DLGAP1: variants seen among roughly 807,000 people sequenced by gnomAD.
DLGAP1 encodes DLG associated protein 1.
DLGAP1 carries 11 observed loss-of-function variants against 90.8 expected under a neutral mutation model. That is an observed-to-expected ratio of 0.12 (90% confidence interval 0.08 to 0.20). The LOEUF (loss-of-function observed/expected upper bound fraction) is 0.20, where lower values mean the gene tolerates loss of function less well. Ranked by LOEUF, DLGAP1 falls within the 10% of genes least tolerant of loss-of-function variation. The pLI is 1.00. For missense variants in DLGAP1, 1,050 were observed against 1,333.8 expected (o/e 0.79, Z 3.31); for synonymous variants, 558 against 540.7 (o/e 1.03, Z -0.44).
chr18:4,041,179 T>A (rs2074968648), intron 2 of DLGAP1, among the ~76,000 whole-genome samples: 1 of 152,330 alleles, frequency 6.6e-6, no homozygotes, highest in South Asian at 2.1e-4. Context: ...TATCTAGAAA[T>A]CTGGTTTTGC....
intron 2 of DLGAP1, among the ~76,000 whole-genome samples, chr18:4,006,753 C>T (rs915365345): frequency 2.6e-5 from 4 of 151,760 alleles, no homozygotes; most frequent in African/African-American, 7.3e-5. Flanking sequence ...TCAAGTGATC[C>T]TTCTACCTCA....
intron 1 of DLGAP1, among the ~76,000 whole-genome samples, chr18:4,197,188 T>TAAAAAAAAAAAAAAAAAAAAAA (rs532844849): frequency 8.1e-5 from 6 of 73,690 alleles, no homozygotes; most frequent in Non-Finnish European, 1.0e-4. Context: ...TAAAAAAAAG[T>TAAAAAAAAAAAAAAAAAAAAAA]AAAAAAAAAA....
chr18:3,992,240 G>A (rs777425180), intron 3 of DLGAP1, among the ~76,000 whole-genome samples: 2 of 152,158 alleles, frequency 1.3e-5, no homozygotes, highest in East Asian at 1.9e-4. Flanking sequence ...TCCTTGGCCA[G>A]GCCACTACTT....
intron 7 of DLGAP1, among the ~76,000 whole-genome samples, chr18:3,586,044 T>C (rs969690631): frequency 3.9e-5 from 6 of 152,220 alleles, no homozygotes; most frequent in African/African-American, 1.2e-4. Context: ...TCGCTATCGA[T>C]AGGGATAACT....
chr18:3,938,558 G>A (rs1344039884), intron 3 of DLGAP1, among the ~76,000 whole-genome samples: 7 of 152,326 alleles, frequency 4.6e-5, no homozygotes. Context: ...CTACTTCTAT[G>A]AGGGAGACTT....
intron 7 of DLGAP1, among the ~76,000 whole-genome samples, chr18:3,718,925 T>C (rs1462215524): frequency 8.1e-5 from 2 of 24,684 alleles, no homozygotes; most frequent in African/African-American, 1.4e-4. Context: ...AGACTTTGTC[T>C]GAAAAAAAAA....
chr18:3,628,188 C>CTT (rs71160904), intron 7 of DLGAP1, among the ~76,000 whole-genome samples: 106 of 123,668 alleles, frequency 8.6e-4, no homozygotes, highest in African/African-American at 2.6e-3. Context: ...GTGCTATATT[C>CTT]TTTTTTTTTT....
chr18:3,944,266 G>A (rs1378904368), intron 3 of DLGAP1, among the ~76,000 whole-genome samples: 1 of 152,218 alleles, frequency 6.6e-6, no homozygotes. Flanking sequence ...GGGAAGCTGA[G>A]GCGAGTGGAT....
At chr18:4,167,055 T>C (rs1483950102) in intron 1 of DLGAP1, among the ~76,000 whole-genome samples, 1 of 152,020 alleles carries the variant, frequency 6.6e-6, no homozygotes, top group Admixed American at 6.6e-5. Context: ...CCATAATAAA[T>C]AGACACTACA....
intron 1 of DLGAP1, among the ~76,000 whole-genome samples, chr18:4,359,100 C>T (rs1213363338): frequency 6.6e-6 from 1 of 152,142 alleles, no homozygotes; most frequent in Non-Finnish European, 1.5e-5. Context: ...AAAGATGACT[C>T]TAGCTTTTAT....
At chr18:4,142,288 A>G (rs575486526) in intron 2 of DLGAP1, among the ~76,000 whole-genome samples, 1 of 152,346 alleles carries the variant, frequency 6.6e-6, no homozygotes, top group East Asian at 1.9e-4. Context: ...AGAGTAGTTA[A>G]AATGTTATTT....
chr18:4,369,204 T>C (rs1022383739), intron 1 of DLGAP1, among the ~76,000 whole-genome samples: 2 of 152,228 alleles, frequency 1.3e-5, no homozygotes, highest in Non-Finnish European at 1.5e-5. Context: ...TGTTCCTTAA[T>C]ATGTATGCAT....
At chr18:4,286,360 G>T (rs1232100257) in intron 1 of DLGAP1, among the ~76,000 whole-genome samples, 1 of 152,078 alleles carries the variant, frequency 6.6e-6, no homozygotes. Flanking sequence ...AAACAGGACC[G>T]TTCTCTGAGC....
At chr18:4,237,992 G>A (rs1294502362) in intron 1 of DLGAP1, among the ~76,000 whole-genome samples, 1 of 152,136 alleles carries the variant, frequency 6.6e-6, no homozygotes, top group Non-Finnish European at 1.5e-5. Flanking sequence ...TTCAGGTATA[G>A]CATCCTGGTT....
chr18:4,053,656 T>C (rs773889183), intron 2 of DLGAP1, among the ~76,000 whole-genome samples: 1 of 152,198 alleles, frequency 6.6e-6, no homozygotes, highest in African/African-American at 2.4e-5. Context: ...CCTTTCACCA[T>C]GATTGAAAAT....
At chr18:3,754,474 T>C (rs939321912) in intron 5 of DLGAP1, among the ~76,000 whole-genome samples, 2 of 151,930 alleles carry the variant, frequency 1.3e-5, no homozygotes, top group African/African-American at 4.8e-5. Flanking sequence ...AGACAAACTG[T>C]GGCCTAGAAA....
chr18:4,322,905 A>G (rs565549), intron 1 of DLGAP1, among the ~76,000 whole-genome samples: 76,619 of 146,314 alleles, frequency 0.52, 21,156 homozygotes, highest in African/African-American at 0.71. Flanking sequence ...AGATTGCAGT[A>G]AGCTGAGTTT....
At chr18:3,720,264 G>A (rs1379274168) in intron 7 of DLGAP1, among the ~76,000 whole-genome samples, 1 of 152,110 alleles carries the variant, frequency 6.6e-6, no homozygotes, top group Non-Finnish European at 1.5e-5. Context: ...ATTGATAATT[G>A]GAAGAAAAAG....
chr18:3,550,663 C>T (rs892793229), intron 9 of DLGAP1, among the ~76,000 whole-genome samples: 2 of 151,108 alleles, frequency 1.3e-5, no homozygotes, highest in South Asian at 2.1e-4. Context: ...GAGAAGATGG[C>T]CATTTGCAAG....
Sources: allele counts gnomAD v4.1 joint callset (sites outside exome capture counted in the v4.1 genomes callset), GRCh38; gene constraint gnomAD v4.1.1; transcripts MANE v1.5; gene names NCBI Gene and HGNC (gene_info 2026-07-23, HGNC 2026-07-21).